Variants in CIMAP1D observed in about 807,000 individuals in gnomAD.
CIMAP1D encodes the protein protein CIMAP1D.
chr19:466,275 ATGGG>A, the CIMAP1D span, among the ~76,000 whole-genome samples: 4 of 70,272 alleles, frequency 5.7e-5, no homozygotes, highest in Non-Finnish European at 9.0e-5. Context: ...TGGTGGATGG[ATGGG>A]TGGGTGGGTG....
At chr19:476,155 C>G in the CIMAP1D span, among the ~76,000 whole-genome samples, 1 of 151,766 alleles carries the variant, frequency 6.6e-6, no homozygotes, top group African/African-American at 2.4e-5. Context: ...TGCACCACCA[C>G]GTCTAGCTAA....
the CIMAP1D span, chr19:467,737 G>A: frequency 6.2e-7 from 1 of 1,607,552 alleles, no homozygotes; most frequent in Non-Finnish European, 8.5e-7. Flanking sequence ...AGTAGATGGG[G>A]CCCGGGCTGG....
chr19:468,132 G>A, the CIMAP1D span, among the ~76,000 whole-genome samples: 2 of 152,228 alleles, frequency 1.3e-5, no homozygotes, highest in African/African-American at 4.8e-5. Context: ...TTCAGAGGCC[G>A]AGGCAGGAGG....
the CIMAP1D span, among the ~76,000 whole-genome samples, chr19:471,306 G>A: frequency 6.0e-5 from 9 of 150,474 alleles, no homozygotes; most frequent in African/African-American, 2.2e-4. Context: ...CTGCAACCAC[G>A]CCCGGCTAAT....
the CIMAP1D span, among the ~76,000 whole-genome samples, chr19:481,498 TGGGAAGGATGATG>T: frequency 2.2e-5 from 1 of 44,656 alleles, no homozygotes; most frequent in Non-Finnish European, 4.3e-5. Flanking sequence ...GGAAGGATGA[TGGGAAGGATGATG>T]GGGAAGGATG....
chr19:474,532 G>A, the CIMAP1D span: 155 of 1,276,144 alleles, frequency 1.2e-4, no homozygotes, highest in African/African-American at 1.9e-3. Flanking sequence ...CCTGCCTCCT[G>A]CTGGGCTCCC....
At chr19:465,144 T>G in the CIMAP1D span, among the ~76,000 whole-genome samples, 5 of 93,280 alleles carry the variant, frequency 5.4e-5, no homozygotes, top group South Asian at 3.8e-4. Flanking sequence ...GATGGATGGA[T>G]GGGTGGGTGG....
the CIMAP1D span, among the ~76,000 whole-genome samples, chr19:470,975 C>T: frequency 1.3e-5 from 2 of 152,188 alleles, no homozygotes; most frequent in African/African-American, 4.8e-5. Context: ...CGCAGGCAGC[C>T]GGGAATGTCC....
the CIMAP1D span, among the ~76,000 whole-genome samples, chr19:483,351 T>C: frequency 6.9e-6 from 1 of 145,916 alleles, no homozygotes; most frequent in Non-Finnish European, 1.5e-5. Flanking sequence ...TCTTCAGACA[T>C]GACCATGGGA....
At chr19:483,181 G>A in the CIMAP1D span, among the ~76,000 whole-genome samples, 2 of 151,748 alleles carry the variant, frequency 1.3e-5, no homozygotes, top group Non-Finnish European at 2.9e-5. Context: ...CCGCTTCCTG[G>A]ATCCAAAGCC....
At chr19:474,756 G>A in the CIMAP1D span, 1 of 1,509,084 alleles carries the variant, frequency 6.6e-7, no homozygotes, top group South Asian at 1.3e-5. Context: ...ATGGTGGGCA[G>A]GCGATGGCCC....
At chr19:491,248 G>C in the CIMAP1D span, among the ~76,000 whole-genome samples, 2 of 152,170 alleles carry the variant, frequency 1.3e-5, no homozygotes, top group South Asian at 2.1e-4. Flanking sequence ...CTGCACTCCA[G>C]CCTGGGCGAC....
At chr19:480,659 G>T in the CIMAP1D span, among the ~76,000 whole-genome samples, 2 of 104,854 alleles carry the variant, frequency 1.9e-5, no homozygotes, top group African/African-American at 7.4e-5. Flanking sequence ...TGATGGAGAA[G>T]GATGATGGAG....
chr19:472,612 G>T, the CIMAP1D span: 1 of 755,294 alleles, frequency 1.3e-6, no homozygotes, highest in Non-Finnish European at 2.0e-6. Flanking sequence ...CCATGGTGAG[G>T]ATTGGGGGCC....
the CIMAP1D span, chr19:472,361 G>T: frequency 7.9e-7 from 1 of 1,269,270 alleles, no homozygotes. Context: ...GGAGGATCAG[G>T]GAAGCCTCCA....
the CIMAP1D span, among the ~76,000 whole-genome samples, chr19:470,549 G>A: frequency 3.3e-5 from 5 of 152,194 alleles, no homozygotes; most frequent in Non-Finnish European, 1.5e-5. Flanking sequence ...GGGACAGGGG[G>A]TGCTGACGCC....
At chr19:480,243 A>G in the CIMAP1D span, among the ~76,000 whole-genome samples, 1 of 152,214 alleles carries the variant, frequency 6.6e-6, no homozygotes, top group Non-Finnish European at 1.5e-5. Flanking sequence ...GTGAGCAAGG[A>G]GAAGAGGAGC....
At chr19:486,189 G>A in the CIMAP1D span, among the ~76,000 whole-genome samples, 1 of 152,182 alleles carries the variant, frequency 6.6e-6, no homozygotes, top group East Asian at 1.9e-4. Flanking sequence ...AGGAAGGAAG[G>A]GCTTGTATTC....
At chr19:478,247 G>C in the CIMAP1D span, among the ~76,000 whole-genome samples, 1 of 152,188 alleles carries the variant, frequency 6.6e-6, no homozygotes, top group Non-Finnish European at 1.5e-5. Flanking sequence ...GAGACAGAGG[G>C]GACAAGGGCC....
Sources: allele counts gnomAD v4.1 joint callset (sites outside exome capture counted in the v4.1 genomes callset), GRCh38; gene constraint gnomAD v4.1.1; transcripts MANE v1.5; gene names NCBI Gene and HGNC (gene_info 2026-07-23, HGNC 2026-07-21).